Variants in TNXB observed in about 807,000 individuals in gnomAD.
TNXB encodes tenascin XB.
Under a neutral mutation model 340.5 loss-of-function variants are expected in TNXB, and 183 were observed. That is an observed-to-expected ratio of 0.54 (90% CI 0.48 to 0.61). The LOEUF (loss-of-function observed/expected upper bound fraction) is 0.61. Ranked by LOEUF, TNXB falls within the 20% of genes least tolerant of loss-of-function variation. The pLI is 0.00. For missense variants in TNXB, 4,613 were observed against 5,446.4 expected (o/e 0.85, Z 4.82); for synonymous variants, 2,121 against 2,314.5 (o/e 0.92, Z 2.40).
chr6:32,082,577 C>T lies in TNXB; in HGVS notation c.3446-251G>A, dbSNP rs1454619265. On this transcript the variant is annotated intron_variant, in intron 8 of 43. Coordinates refer to ENST00000644971, the MANE Select transcript of TNXB (RefSeq NM_001365276.2). The surrounding 1 kb of genome is among the most constrained non-coding windows in gnomAD (Gnocchi z 5.0). ...AAACGGCATGGAAGCACTGCGTGGA[C>T]TAGTGTGGCTCTGCCTCCAACCACA... is the stretch of plus-strand genomic sequence containing the variant. 6.6e-6 allele frequency among the ~76,000 whole-genome samples: 1 copy of T among 152,118 alleles called. No individual in the cohort carries two copies. Among genetic ancestry groups the T allele is most frequent in the Non-Finnish European group, 1.5e-5 (1 of 68,024 alleles).
chr6:32,074,882 G>A lies in TNXB; in HGVS notation c.4376-930C>T, dbSNP rs1391695511. On this transcript the variant is annotated intron_variant, in intron 11 of 43. Coordinates refer to ENST00000644971, the MANE Select transcript of TNXB (RefSeq NM_001365276.2). The surrounding 1 kb of genome is among the most constrained non-coding windows in gnomAD (Gnocchi z 5.5). ...TTCAGTAGAGATGGGGTTTCTCCAC[G>A]TTAGTCAGGTTGGTCTTGAACTCCC... 2.0e-5 allele frequency among the ~76,000 whole-genome samples: 3 copies of A among 152,222 alleles called. No homozygotes were observed. Among genetic ancestry groups the A allele is most frequent in the East Asian group, 1.9e-4 (1 of 5,164 alleles).
rs1256870306 is a variant in TNXB, at chr6:32,087,341, C to T, written c.2780-1223G>A. The T allele has an allele frequency of 2.1e-6, 1 of 484,698 alleles. No individual in the cohort carries two copies. The highest frequency in any genetic ancestry group is 1.5e-5 in the South Asian group (1 of 67,094). 30.0% of individuals were successfully genotyped at this position (484,698 alleles called of 1,614,324 possible). A position where few individuals can be genotyped will look rare whatever the true frequency, so the allele number is the denominator to read the frequency against. On this transcript the variant is annotated intron_variant, in intron 6 of 43. Transcript: ENST00000644971. The surrounding 1 kb of genome is among the most constrained non-coding windows in gnomAD (Gnocchi z 9.0). The stretch of plus-strand genomic sequence containing the variant: ...TGGTAGGTGGTGCCGGGCCTGAGGT[C>T]GGGCAGGCTGACGGTGCGCGTGGTG...
intron 1 of TNXB, among the ~76,000 whole-genome samples, chr6:32,103,059 C>CATAT (rs917703774): frequency 6.6e-6 from 1 of 152,102 alleles, no homozygotes; most frequent in African/African-American, 2.4e-5. Flanking sequence ...TGGGTGGTTA[C>CATAT]ATAGATATAT....
chr6:32,045,179 G>A lies in TNXB; in HGVS notation c.10754C>T (p.Ser3585Phe), dbSNP rs1422502096. ...CGTGTCCTCATACTGGACCACGAAG[G>A]AATCAAAGGGGCCCTGGGCCACGCT... ...SWSVAQGPFD[S>F]FVVQYEDTNG... Residue 3585 changes from serine to phenylalanine, a missense_variant, in exon 32 of 44, where the codon TCC becomes TTC. Physicochemically the swap from Ser to Phe is radical, Grantham distance 155 (BLOSUM62 -2). Transcript: ENST00000644971. The A allele has an allele frequency of 1.2e-6, 2 of 1,613,092 alleles. No homozygotes were observed. Among genetic ancestry groups the A allele is most frequent in the African/African-American group, 1.3e-5 (1 of 75,078 alleles).
intron 1 of TNXB, among the ~76,000 whole-genome samples, chr6:32,102,923 A>C (rs753422039): frequency 1.2e-4 from 18 of 152,098 alleles, no homozygotes; most frequent in Non-Finnish European, 2.4e-4. Flanking sequence ...TATGTCAAAA[A>C]ACAAACAAAA....
Position 32,051,701 on chromosome 6 carries a change from TGAGACCAGCCTGGGCAACATACC to T in TNXB, c.9115+946_9115+968del, listed in dbSNP as rs1777291845. The stretch of plus-strand genomic sequence containing the variant: ...GGAGACTCGCTTGAGGCCAGGAGTT[TGAGACCAGCCTGGGCAACATACC>T]GAGACCCCCATTGCCACAGAAAATA... On this transcript the variant is annotated intron_variant, in intron 26 of 43. Transcript: ENST00000644971. This position sits in a 1 kb window ranked among gnomAD's most constrained non-coding sequence, Gnocchi z 4.7. Among the ~76,000 whole-genome samples, 1 of 151,818 alleles carries T rather than the reference TGAGACCAGCCTGGGCAACATACC, an allele frequency of 6.6e-6. No individual in the cohort carries two copies. The highest frequency in any genetic ancestry group is 2.1e-4 in the South Asian group (1 of 4,784).
Position 32,067,238 on chromosome 6 carries a change from C to G in TNXB, c.6544+423G>C, listed in dbSNP as rs1384401291. Among the ~76,000 whole-genome samples the G allele has an allele frequency of 6.6e-6, 1 of 152,118 alleles. No homozygotes were observed. The highest frequency in any genetic ancestry group is 1.5e-5 in the Non-Finnish European group (1 of 68,030). On this transcript the variant is annotated intron_variant, in intron 18 of 43. Transcript: ENST00000644971. The surrounding 1 kb of genome is among the most constrained non-coding windows in gnomAD (Gnocchi z 4.2). ...GTGGGTGGGGCAGAGATGAGCCAGA[C>G]TGGCCAGAAGTCGATATTTGATTGA...
Position 32,069,132 on chromosome 6 carries a change from G to T in TNXB, c.5592C>A (p.Gly1864=), listed in dbSNP as rs774784022. 53 of 1,605,512 alleles carry T rather than the reference G, an allele frequency of 3.3e-5. No individual in the cohort carries two copies. The Middle Eastern group carries it at 9.9e-4, about 30-fold the overall frequency. ...GPISAVAITA[G]REETETETTA... ...TGGTCTCAGTTTCCGTTTCTTCCCT[G>T]CCGGCTGGTTCACAGAGACAGGTAG... is the stretch of plus-strand genomic sequence containing the variant. Residue 1864 remains glycine (G), a synonymous_variant, in exon 16 of 44, where the codon GGC becomes GGA. Coordinates refer to ENST00000644971, the MANE Select transcript of TNXB (RefSeq NM_001365276.2). The surrounding 1 kb of genome is among the most constrained non-coding windows in gnomAD (Gnocchi z 6.2).
rs193053988 is a variant in TNXB at position 32,066,796 on chromosome 6, G to A, written c.6544+865C>T. Among the ~76,000 whole-genome samples, 37 of 152,318 alleles carry A rather than the reference G, an allele frequency of 2.4e-4. No homozygotes were observed. In the South Asian group the frequency reaches 3.3e-3, roughly 14 times the overall value. On this transcript the variant is annotated intron_variant, in intron 18 of 43. Transcript: ENST00000644971. ...TGTTAATAAAGAAAACATTCAGGCC[G>A]GGTGTGGCGGCTCACGCCTGGAATC...
In TNXB at chr6:32,079,468, T is replaced by C; in HGVS notation, c.4043-103A>G. ...TTACGCTGTGGGCTCAGGGGCTCTG[T>C]AGCCTTTGTATTTGCCATTCGGTCA... is the stretch of plus-strand genomic sequence containing the variant. On this transcript the variant is annotated intron_variant, in intron 10 of 43. Transcript: ENST00000644971. The surrounding 1 kb of genome is among the most constrained non-coding windows in gnomAD (Gnocchi z 7.1). The C allele has an allele frequency of 1.0e-6, 1 of 957,068 alleles. No individual in the cohort carries two copies. 59.3% of individuals were successfully genotyped at this position (957,068 alleles called of 1,614,324 possible). A position where few individuals can be genotyped will look rare whatever the true frequency, so the allele number is the denominator to read the frequency against.
rs759431339 is a variant in TNXB at position 32,055,945 on chromosome 6, C to A, written c.8373G>T (p.Val2791=). 59 of 1,613,384 alleles carry A rather than the reference C, an allele frequency of 3.7e-5. No individual in the cohort carries two copies. In the South Asian group the frequency reaches 4.7e-4, roughly 13 times the overall value. The change falls in exon 24 of 44, where the codon GTG becomes GTT. Residue 2791 remains valine, a synonymous_variant. Coordinates refer to ENST00000644971, the MANE Select transcript of TNXB (RefSeq NM_001365276.2). ...RVRGEESEVT[V]GGLEPGRKYK... ...ATTTGCGCCCGGGCTCCAGGCCCCC[C>A]ACGGTGACCTCGCTCTCCTCGCCCC...
At position 32,108,330 on chromosome 6, in the gene TNXB, G is replaced by A. The variant is rs1326231203; in HGVS notation, c.-9+851C>T. On this transcript the variant is annotated intron_variant, in intron 1 of 43. Transcript: ENST00000644971. This position sits in a 1 kb window ranked among gnomAD's most constrained non-coding sequence, Gnocchi z 4.8. ...GATAAGGGGCCCGCCCTTCCCACCCGGGGCGTGTCACGTGTACTGGTGGTG... is the reference window on the plus strand; with the variant it reads ...GATAAGGGGCCCGCCCTTCCCACCCAGGGCGTGTCACGTGTACTGGTGGTG... Among the ~76,000 whole-genome samples the A allele has an allele frequency of 2.6e-5, 4 of 152,148 alleles. No individual in the cohort carries two copies. Among genetic ancestry groups the A allele is most frequent in the South Asian group, 2.1e-4 (1 of 4,828 alleles).
At position 32,052,524 on chromosome 6, in the gene TNXB, C is replaced by T; in HGVS notation, c.9115+146G>A. On this transcript the variant is annotated intron_variant, in intron 26 of 43. Coordinates refer to ENST00000644971, the MANE Select transcript of TNXB (RefSeq NM_001365276.2). This position sits in a 1 kb window ranked among gnomAD's most constrained non-coding sequence, Gnocchi z 4.7. The stretch of plus-strand genomic sequence containing the variant: ...TGCCCTAGGCCAAGCCTGCTGAATC[C>T]AAATCTGCTTTTTAACAAAAATCTC... 8.6e-7 allele frequency: 1 copy of T among 1,158,290 alleles called. No homozygotes were observed. The highest frequency in any genetic ancestry group is 1.2e-6 in the Non-Finnish European group (1 of 842,004). 71.8% of individuals were successfully genotyped at this position (1,158,290 alleles called of 1,614,324 possible).
At position 32,048,433 on chromosome 6, in the gene TNXB, C is replaced by A; in HGVS notation, c.9975G>T (p.Lys3325Asn). Residue 3325 changes from lysine to asparagine, a missense_variant, in exon 29 of 44, where the codon AAG becomes AAT. Lys to Asn is a moderately conservative substitution (Grantham distance 94, BLOSUM62 0). Coordinates refer to ENST00000644971, the MANE Select transcript of TNXB (RefSeq NM_001365276.2). ...VAVSGLDPAR[K>N]YKFLLFGLQN... ...GGAGTCCAAAGAGCAGGAACTTGTA[C>A]TTGCGGGCCGGGTCCAGCCCCGAGA... is the stretch of plus-strand genomic sequence containing the variant. 6.4e-7 allele frequency: 1 copy of A among 1,572,588 alleles called. No homozygotes were observed. Among genetic ancestry groups the A allele is most frequent in the South Asian group, 1.2e-5 (1 of 85,854 alleles).
At chr6:32,055,004 C>G (rs550797270) in intron 24 of TNXB, among the ~76,000 whole-genome samples, 1 of 152,306 alleles carries the variant, frequency 6.6e-6, no homozygotes, top group South Asian at 2.1e-4. Flanking sequence ...TTCCAAAGCA[C>G]AAAAATAACC....
Position 32,061,707 on chromosome 6 carries a change from C to T in TNXB, c.7182G>A (p.Glu2394=). 1 of 1,611,124 alleles carries T rather than the reference C, an allele frequency of 6.2e-7. No individual in the cohort carries two copies. The highest frequency in any genetic ancestry group is 8.5e-7 in the Non-Finnish European group (1 of 1,178,636). The part of the protein sequence containing the change: ...SAIGVTAAEE[E]TPSPTEPSME... ...TGCTGGGTTCTGTGGGGCTGGGGGT[C>T]TCTTCCTCTGCAGCTGAGAAAAAGG... The change falls in exon 21 of 44, where the codon GAG becomes GAA. Residue 2394 remains glutamate, a synonymous_variant. Coordinates refer to ENST00000644971, the MANE Select transcript of TNXB (RefSeq NM_001365276.2). The surrounding 1 kb of genome is among the most constrained non-coding windows in gnomAD (Gnocchi z 4.4).
At position 32,095,171 on chromosome 6, in the gene TNXB, T is replaced by C; in HGVS notation, c.2263A>G (p.Met755Val). The C allele has an allele frequency of 6.5e-7, 1 of 1,550,006 alleles. No individual in the cohort carries two copies. The highest frequency in any genetic ancestry group is 8.7e-7 in the Non-Finnish European group (1 of 1,146,246). The change falls in exon 4 of 44, where the codon ATG becomes GTG. Residue 755 changes from methionine to valine, a missense_variant. Physicochemically the swap from Met to Val is conservative, Grantham distance 21 (BLOSUM62 1). Around this residue, in one of 7 missense-constraint regions of TNXB, gnomAD observed 4,327 missense variants for 4,859.4 expected, o/e 0.89. Coordinates refer to ENST00000644971, the MANE Select transcript of TNXB (RefSeq NM_001365276.2). ...GTCTCCTCCAAGAGATGCATCCTCATGCCCTCAATGGTTGGCACCTCTGCC... is the reference window on the plus strand; with the variant it reads ...GTCTCCTCCAAGAGATGCATCCTCACGCCCTCAATGGTTGGCACCTCTGCC... ...CGEEVPTIEGMRMHLLEETTV... is the reference protein window; with the variant it reads ...CGEEVPTIEGVRMHLLEETTV...
Position 32,047,038 on chromosome 6 carries a change from G to C in TNXB, c.10325-582C>G, listed in dbSNP as rs1776934670. On this transcript the variant is annotated intron_variant, in intron 30 of 43. Coordinates refer to ENST00000644971, the MANE Select transcript of TNXB (RefSeq NM_001365276.2). The surrounding 1 kb of genome is among the most constrained non-coding windows in gnomAD (Gnocchi z 6.2). Reference sequence around the variant, plus strand: ...CAGGGTGGGGCAGGGAGAAGACAGGGGATTAGCTGGGAGAACAGAGGGCAG... The same window carrying C: ...CAGGGTGGGGCAGGGAGAAGACAGGCGATTAGCTGGGAGAACAGAGGGCAG... Among the ~76,000 whole-genome samples the C allele has an allele frequency of 6.6e-6, 1 of 152,250 alleles. No homozygotes were observed. The highest frequency in any genetic ancestry group is 1.5e-5 in the Non-Finnish European group (1 of 68,036).
At position 32,069,631 on chromosome 6, in the gene TNXB, C is replaced by A. The variant is rs1446875043; in HGVS notation, c.5509G>T (p.Ala1837Ser). 1 of 1,611,568 alleles carries A rather than the reference C, an allele frequency of 6.2e-7. No homozygotes were observed. The highest frequency in any genetic ancestry group is 1.3e-5 in the African/African-American group (1 of 74,908). ...TAGAGCAGCAGCTTGTACCTGTGGG[C>A]AGGGTCCAGGCCCGGCACGCTGACC... is the stretch of plus-strand genomic sequence containing the variant. ...REVSVPGLDP[A>S]HRYKLLLYGL... The change falls in exon 15 of 44, where the codon GCC becomes TCC. Residue 1837 changes from alanine to serine, a missense_variant. Ala to Ser is a moderately conservative substitution (Grantham distance 99). Coordinates refer to ENST00000644971, the MANE Select transcript of TNXB (RefSeq NM_001365276.2). The surrounding 1 kb of genome is among the most constrained non-coding windows in gnomAD (Gnocchi z 6.2).
Sources: allele counts gnomAD v4.1 joint callset (sites outside exome capture counted in the v4.1 genomes callset), GRCh38; gene constraint gnomAD v4.1.1; regional missense constraint gnomAD v4.1.1; non-coding constraint Gnocchi (gnomAD v3.1); transcripts MANE v1.5; gene names NCBI Gene and HGNC (gene_info 2026-07-23, HGNC 2026-07-21).